Variants in EXOC4 observed in about 807,000 individuals in gnomAD.
The protein encoded by EXOC4 is exocyst complex component 4, also known as SEC8-like 1.
EXOC4 carries 71 observed loss-of-function variants against 107.2 expected under a neutral mutation model. The ratio of observed to expected loss-of-function variants is 0.66; its 90% CI spans 0.55 to 0.81. The LOEUF (loss-of-function observed/expected upper bound fraction) is 0.81. Among genes scored for constraint, EXOC4 ranks in the 30% least tolerant of loss-of-function variants. EXOC4 has a pLI of 0.00. For missense variants in EXOC4, 1,108 were observed against 1,189.6 expected (o/e 0.93, Z 1.01); for synonymous variants, 456 against 441.2 (o/e 1.03, Z -0.42).
chr7:133,416,453 A>G (rs1318433848), intron 7 of EXOC4, among the ~76,000 whole-genome samples: 9 of 152,202 alleles, frequency 5.9e-5, no homozygotes, highest in Admixed American at 3.9e-4. Flanking sequence ...CTAGCACTCA[A>G]AGATCCTTTG....
At chr7:133,422,940 C>CAAAAT (rs1563059743) in intron 7 of EXOC4, among the ~76,000 whole-genome samples, 1 of 41,606 alleles carries the variant, frequency 2.4e-5, no homozygotes, top group Non-Finnish European at 4.2e-5. Context: ...TGGAGCAGGC[C>CAAAAT]GGGCGCGGTG....
intron 9 of EXOC4, among the ~76,000 whole-genome samples, chr7:133,529,500 A>T (rs1444291976): frequency 6.6e-6 from 1 of 152,194 alleles, no homozygotes; most frequent in Non-Finnish European, 1.5e-5. Context: ...TGATTGTAGC[A>T]ATAAATCTGT....
chr7:134,043,414 AC>A (rs1356945017), intron 17 of EXOC4, among the ~76,000 whole-genome samples: 3 of 152,120 alleles, frequency 2.0e-5, no homozygotes, highest in Middle Eastern at 3.2e-3. Flanking sequence ...AAACATTTAC[AC>A]CCCCCAGCCT....
intron 11 of EXOC4, among the ~76,000 whole-genome samples, chr7:133,866,357 T>C (rs1213994480): frequency 6.6e-6 from 1 of 152,134 alleles, no homozygotes; most frequent in Non-Finnish European, 1.5e-5. Flanking sequence ...CAGGATGCCC[T>C]GGGCCTTGTG....
chr7:133,518,287 CA>C (rs1231997778), intron 9 of EXOC4, among the ~76,000 whole-genome samples: 1 of 151,292 alleles, frequency 6.6e-6, no homozygotes, highest in Non-Finnish European at 1.5e-5. Flanking sequence ...TTTTGCCCCC[CA>C]CCCCCTTTTT....
chr7:133,689,970 A>G (rs890420400), intron 10 of EXOC4, among the ~76,000 whole-genome samples: 5 of 152,246 alleles, frequency 3.3e-5, no homozygotes, highest in Admixed American at 3.3e-4. Context: ...TGTGGAAAAC[A>G]AAAACAGACT....
intron 10 of EXOC4, among the ~76,000 whole-genome samples, chr7:133,739,960 C>T (rs558567038): frequency 6.6e-6 from 1 of 152,152 alleles, no homozygotes. Flanking sequence ...TAGCATGGCT[C>T]ATTGTTTTTA....
intron 7 of EXOC4, among the ~76,000 whole-genome samples, chr7:133,403,005 C>T (rs1563052474): frequency 6.6e-6 from 1 of 151,802 alleles, no homozygotes; most frequent in Non-Finnish European, 1.5e-5. Flanking sequence ...CTGCCTCAGC[C>T]TCCCGAGTAG....
chr7:133,644,824 A>G (rs938869764), intron 10 of EXOC4, among the ~76,000 whole-genome samples: 1 of 152,148 alleles, frequency 6.6e-6, no homozygotes, highest in Non-Finnish European at 1.5e-5. Flanking sequence ...GGCCCTCAGA[A>G]TCTTTTCATT....
At chr7:133,475,061 A>G (rs1401393665) in intron 7 of EXOC4, among the ~76,000 whole-genome samples, 2 of 152,180 alleles carry the variant, frequency 1.3e-5, no homozygotes, top group Non-Finnish European at 2.9e-5. Flanking sequence ...AATATCTAGC[A>G]CATAGTAGAT....
intron 11 of EXOC4, among the ~76,000 whole-genome samples, chr7:133,855,101 AT>A (rs1424903345): frequency 8.3e-5 from 6 of 71,960 alleles, no homozygotes; most frequent in East Asian, 3.9e-4. Flanking sequence ...AAATATATAT[AT>A]AAATATATAT....
At chr7:133,471,273 G>A (rs557334446) in intron 7 of EXOC4, among the ~76,000 whole-genome samples, 3 of 152,036 alleles carry the variant, frequency 2.0e-5, no homozygotes, top group Non-Finnish European at 2.9e-5. Context: ...TTAGCTGGGC[G>A]TGGTGGCAGG....
rs965549057 is a variant in EXOC4 at position 133,266,909 on chromosome 7, A to T, written c.87-8073A>T. 2.6e-5 allele frequency among the ~76,000 whole-genome samples: 4 copies of T among 152,180 alleles called. 1 individual carries two copies. The highest frequency in any genetic ancestry group is 1.5e-5 in the Non-Finnish European group (1 of 68,030). Reference sequence around the variant, plus strand: ...CTGGAGTCCATATTTTTTGAGAATGAGAATTATATCATGTGATGTGTCTCC... The same window carrying T: ...CTGGAGTCCATATTTTTTGAGAATGTGAATTATATCATGTGATGTGTCTCC... On this transcript the variant is annotated intron_variant, in intron 1 of 17. Coordinates refer to ENST00000253861, the MANE Select transcript of EXOC4 (RefSeq NM_021807.4).
chr7:133,995,668 A>G (rs1013113612), intron 14 of EXOC4, among the ~76,000 whole-genome samples: 3 of 152,304 alleles, frequency 2.0e-5, no homozygotes, highest in Admixed American at 6.5e-5. Flanking sequence ...ACATTGCTAC[A>G]TTCCCTTCCT....
At chr7:133,881,939 A>T (rs1334839238) in intron 11 of EXOC4, among the ~76,000 whole-genome samples, 1 of 152,180 alleles carries the variant, frequency 6.6e-6, no homozygotes, top group Non-Finnish European at 1.5e-5. Context: ...AATTGTTTAA[A>T]ATTGAGGCTT....
At chr7:133,446,780 A>G (rs1310399661) in intron 7 of EXOC4, among the ~76,000 whole-genome samples, 1 of 152,242 alleles carries the variant, frequency 6.6e-6, no homozygotes, top group African/African-American at 2.4e-5. Flanking sequence ...TGAGAGGACT[A>G]ATAACTACCG....
intron 14 of EXOC4, among the ~76,000 whole-genome samples, chr7:133,952,136 G>A (rs1008571886): frequency 4.0e-5 from 6 of 151,114 alleles, no homozygotes; most frequent in African/African-American, 1.2e-4. Context: ...AGCCCGAGCT[G>A]ACAACAGTGA....
At chr7:133,364,057 T>A (rs1021321879) in intron 6 of EXOC4, among the ~76,000 whole-genome samples, 1 of 152,134 alleles carries the variant, frequency 6.6e-6, no homozygotes, top group African/African-American at 2.4e-5. Context: ...CAGATTGGAC[T>A]GTGAGTTTAT....
chr7:133,923,519 C>T (rs1382445214), intron 13 of EXOC4, among the ~76,000 whole-genome samples: 1 of 152,100 alleles, frequency 6.6e-6, no homozygotes, highest in Non-Finnish European at 1.5e-5. Context: ...AACTTGAACA[C>T]TTTTTTATGC....
Sources: gnomAD v4.1 joint callset for allele counts (sites outside exome capture counted in the v4.1 genomes callset) on GRCh38, gnomAD v4.1.1 for gene constraint, MANE v1.5 for transcripts, NCBI Gene and HGNC (gene_info 2026-07-23, HGNC 2026-07-21) for gene names.